The following PCDHA2 variants were observed in gnomAD, a reference collection of about 807,000 sequenced individuals.
PCDHA2 encodes protocadherin alpha-2.
A neutral mutation model predicts 66.0 loss-of-function variants in PCDHA2; 58 were observed. The ratio of observed to expected loss-of-function variants is 0.88; its 90% CI spans 0.71 to 1.09. The LOEUF (loss-of-function observed/expected upper bound fraction) is 1.09, where lower values mean the gene tolerates loss of function less well. Among genes scored for constraint, PCDHA2 ranks in the 50% least tolerant of loss-of-function variants. The pLI is 0.00. For synonymous variants in PCDHA2, 634 were observed against 554.0 expected (o/e 1.14, Z -2.03); for missense variants, 1,267 against 1,242.3 (o/e 1.02, Z -0.30).
chr5:140,808,193 G>C, intron 1 of PCDHA2: 1 of 1,614,238 alleles, frequency 6.2e-7, no homozygotes, highest in East Asian at 2.2e-5. Context: ...CCATTGTAGA[G>C]TTATTGTGGA....
At position 140,796,658 on chromosome 5, in the gene PCDHA2, T is replaced by A. The variant is rs143287636; in HGVS notation, c.1694T>A (p.Leu565Gln). Residue 565 changes from leucine to glutamine, a missense_variant, in exon 1 of 4, where the codon CTG (leucine) becomes CAG (glutamine). Transcript: ENST00000526136. The stretch of plus-strand genomic sequence containing the variant: ...GACGAGAACGACAACGCGCCGGCAC[T>A]GTTGGCGCCTAGGGCTGGCACCGCT... ...VLDENDNAPALLAPRAGTAAG... is the reference protein window; with the variant it reads ...VLDENDNAPAQLAPRAGTAAG... The A allele has an allele frequency of 6.2e-7, 1 of 1,613,664 alleles. No homozygotes were observed. Among genetic ancestry groups the A allele is most frequent in the Non-Finnish European group, 8.5e-7 (1 of 1,179,806 alleles).
At chr5:140,807,705 G>A (rs1764012692) in intron 1 of PCDHA2, 1 of 1,614,218 alleles carries the variant, frequency 6.2e-7, no homozygotes, top group Non-Finnish European at 8.5e-7. Flanking sequence ...TACAGACTGA[G>A]CCCAAATGAA....
chr5:140,822,774 T>C (rs2150119288), intron 1 of PCDHA2: 2 of 1,614,014 alleles, frequency 1.2e-6, no homozygotes, highest in Non-Finnish European at 1.7e-6. Context: ...CAGGACACTG[T>C]AAAGTAGTAG....
intron 1 of PCDHA2, chr5:140,824,064 A>T: frequency 1.9e-6 from 3 of 1,614,110 alleles, no homozygotes; most frequent in South Asian, 2.2e-5. Context: ...GGGAAGCTCC[A>T]CCCAAAACAG....
intron 1 of PCDHA2, chr5:140,841,899 A>G (rs1362176056): frequency 1.9e-6 from 3 of 1,613,740 alleles, no homozygotes; most frequent in Non-Finnish European, 2.5e-6. Context: ...AAACTGGTTG[A>G]GCTCGTATTA....
chr5:140,988,308 G>T (rs75602297), intron 3 of PCDHA2, among the ~76,000 whole-genome samples: 1,856 of 152,298 alleles, frequency 0.012, 44 homozygotes, highest in African/African-American at 0.043. Context: ...TGCCAGCTTG[G>T]CTTGGCTTTC....
intron 3 of PCDHA2, among the ~76,000 whole-genome samples, chr5:141,006,502 C>T (rs987435396): frequency 1.8e-4 from 28 of 152,118 alleles, no homozygotes; most frequent in African/African-American, 2.9e-4. Context: ...TGTGAGCCAC[C>T]GCGCCTGGCT....
At chr5:140,882,606 C>A (rs782588313) in intron 1 of PCDHA2, 1 of 1,614,120 alleles carries the variant, frequency 6.2e-7, no homozygotes, top group African/African-American at 1.3e-5. Context: ...GTGGACAGGC[C>A]TCTGCAGGTT....
At chr5:140,874,845 A>G (rs1201887753) in intron 1 of PCDHA2, among the ~76,000 whole-genome samples, 1 of 152,236 alleles carries the variant, frequency 6.6e-6, no homozygotes, top group Non-Finnish European at 1.5e-5. Flanking sequence ...GGTATTAGAC[A>G]TATTTTAGTT....
At chr5:140,865,269 T>C (rs2048801874) in intron 1 of PCDHA2, 1 of 152,262 alleles carries the variant, frequency 6.6e-6, no homozygotes. Flanking sequence ...TATCAAATTA[T>C]ATGTAAAATT....
chr5:140,896,256 C>T (rs1335099704), intron 1 of PCDHA2, among the ~76,000 whole-genome samples: 3 of 152,192 alleles, frequency 2.0e-5, no homozygotes, highest in Non-Finnish European at 4.4e-5. Flanking sequence ...TGGTTATGTA[C>T]ACAGTTATGG....
chr5:140,840,163 A>T (rs2150304163), intron 1 of PCDHA2, among the ~76,000 whole-genome samples: 1 of 152,162 alleles, frequency 6.6e-6, no homozygotes, highest in African/African-American at 2.4e-5. Context: ...GAGAGATGGG[A>T]TGTATACAAA....
intron 1 of PCDHA2, chr5:140,882,201 CT>C: frequency 6.5e-7 from 1 of 1,528,460 alleles, no homozygotes; most frequent in South Asian, 1.3e-5. Context: ...AAAATTGGGC[CT>C]TGAGAGACAG....
intron 2 of PCDHA2, among the ~76,000 whole-genome samples, chr5:140,981,563 G>A (rs2096938689): frequency 6.6e-6 from 1 of 152,110 alleles, no homozygotes; most frequent in African/African-American, 2.4e-5. Flanking sequence ...GACAGAGTGA[G>A]GCTTTGTCTC....
intron 1 of PCDHA2, chr5:140,870,703 G>A (rs899824906): frequency 1.2e-6 from 2 of 1,612,916 alleles, no homozygotes; most frequent in East Asian, 2.2e-5. Context: ...ACAGTTCCAG[G>A]TGAGCGCGCG....
Position 140,802,474 on chromosome 5 carries a change from C to G in PCDHA2, c.2388+5122C>G, listed in dbSNP as rs1296125051. ...GTGTCGGCCTATGAGCTGGTGGTGA[C>G]TGCTCGGGACGGGGGCTCGCCTTCA... On this transcript the variant is annotated intron_variant, in intron 1 of 3. Transcript: ENST00000526136. The G allele has an allele frequency of 1.9e-6, 3 of 1,614,108 alleles. No individual in the cohort carries two copies. In the African/African-American group the frequency reaches 4.0e-5, roughly 22 times the overall value.
intron 1 of PCDHA2, among the ~76,000 whole-genome samples, chr5:140,846,373 C>CT (rs2150388509): frequency 0.025 from 1,401 of 55,028 alleles, 84 homozygotes; most frequent in East Asian, 0.045. Context: ...TTCTTTCTTT[C>CT]TTTTTTTTTT....
intron 1 of PCDHA2, among the ~76,000 whole-genome samples, chr5:140,912,539 T>C (rs2075967162): frequency 6.6e-6 from 1 of 152,172 alleles, no homozygotes; most frequent in Non-Finnish European, 1.5e-5. Flanking sequence ...CATGATCATA[T>C]TGTCAGCAAA....
chr5:140,829,861 G>A (rs200510937), intron 1 of PCDHA2: 1 of 1,613,956 alleles, frequency 6.2e-7, no homozygotes, highest in East Asian at 2.2e-5. Flanking sequence ...CAGGCCAAGT[G>A]GTGGCGAAGG....
Sources: allele counts gnomAD v4.1 joint callset (sites outside exome capture counted in the v4.1 genomes callset), GRCh38; gene constraint gnomAD v4.1.1; transcripts MANE v1.5; gene names NCBI Gene and HGNC (gene_info 2026-07-23, HGNC 2026-07-21).